PHF24: variants seen among roughly 807,000 people sequenced by gnomAD.
The protein encoded by PHF24 is PHD finger protein 24, also known as Galpha inhibitory interacting protein.
In PHF24, 25 loss-of-function variants were observed where a neutral mutation model predicts 42.6. That is an observed-to-expected ratio of 0.59 (90% confidence interval 0.43 to 0.82). The LOEUF (loss-of-function observed/expected upper bound fraction) is 0.82, where lower values mean the gene tolerates loss of function less well. PHF24 is among the 40% of genes least tolerant of loss of function. The pLI, the probability that PHF24 is intolerant of heterozygous loss-of-function variation, is 0.00. For synonymous variants in PHF24, 185 were observed against 204.8 expected, an observed-to-expected ratio of 0.90 and a Z score of 0.83; for missense variants, 470 against 538.1, an observed-to-expected ratio of 0.87 and a Z score of 1.25.
chr9:34,894,273 T>C, the PHF24 span, among the ~76,000 whole-genome samples: 1 of 152,060 alleles, frequency 6.6e-6, no homozygotes, highest in Non-Finnish European at 1.5e-5. Flanking sequence ...CTGAGATGTC[T>C]GGCCCAGCCC....
the PHF24 span, among the ~76,000 whole-genome samples, chr9:34,683,974 A>G: frequency 2.6e-5 from 4 of 152,304 alleles, no homozygotes; most frequent in East Asian, 3.9e-4. Context: ...TATCTGGACC[A>G]TCTGTACTGT....
the PHF24 span, among the ~76,000 whole-genome samples, chr9:34,931,375 CAA>C: frequency 1.1e-4 from 9 of 82,922 alleles, no homozygotes; most frequent in African/African-American, 4.1e-4. Context: ...GACTCTGTAT[CAA>C]AAAAAAAAAA....
At chr9:34,900,103 C>G in the PHF24 span, among the ~76,000 whole-genome samples, 1 of 152,174 alleles carries the variant, frequency 6.6e-6, no homozygotes, top group East Asian at 1.9e-4. Flanking sequence ...CCGTGGGGAA[C>G]TCAGGAAGCC....
At chr9:34,746,883 G>C in the PHF24 span, among the ~76,000 whole-genome samples, 2 of 152,164 alleles carry the variant, frequency 1.3e-5, no homozygotes, top group Admixed American at 6.5e-5. Flanking sequence ...AAATCATAAA[G>C]CTTCTAGAAT....
the PHF24 span, among the ~76,000 whole-genome samples, chr9:34,674,464 T>G: frequency 6.6e-6 from 1 of 152,280 alleles, no homozygotes. Context: ...TTTAAGATTC[T>G]GTGGGCCATA....
chr9:34,886,810 CTATCTATG>C, the PHF24 span, among the ~76,000 whole-genome samples: 444 of 96,314 alleles, frequency 4.6e-3, no homozygotes, highest in African/African-American at 0.015. Flanking sequence ...ATCTATGTAT[CTATCTATG>C]TATCTATGTA....
the PHF24 span, chr9:34,834,786 G>A: frequency 1.2e-5 from 19 of 1,542,618 alleles, no homozygotes; most frequent in Admixed American, 2.0e-5. Context: ...ATCTGAGCTC[G>A]TTGATGGTCA....
the PHF24 span, among the ~76,000 whole-genome samples, chr9:34,820,468 T>C: frequency 0.017 from 2,545 of 152,274 alleles, 63 homozygotes; most frequent in East Asian, 0.099. Flanking sequence ...TTCCCACTTA[T>C]AAGTGAGAAC....
At chr9:34,857,915 T>C in the PHF24 span, among the ~76,000 whole-genome samples, 1 of 152,106 alleles carries the variant, frequency 6.6e-6, no homozygotes, top group East Asian at 1.9e-4. Context: ...TTTCAGTCTC[T>C]GTTAAATTTC....
the PHF24 span, among the ~76,000 whole-genome samples, chr9:34,779,171 C>T: frequency 6.6e-6 from 1 of 151,734 alleles, no homozygotes; most frequent in Non-Finnish European, 1.5e-5. Flanking sequence ...CCATAATTTT[C>T]CACCCTGTGA....
the PHF24 span, among the ~76,000 whole-genome samples, chr9:34,810,311 C>T: frequency 5.9e-5 from 9 of 152,288 alleles, no homozygotes; most frequent in Admixed American, 4.6e-4. Flanking sequence ...TGACAGCTGC[C>T]TCTATTGGGG....
the PHF24 span, among the ~76,000 whole-genome samples, chr9:34,931,190 C>A: frequency 8.5e-5 from 13 of 152,108 alleles, no homozygotes; most frequent in East Asian, 2.5e-3. Flanking sequence ...TCCTGGCTAA[C>A]ATGGTGAAAC....
the PHF24 span, among the ~76,000 whole-genome samples, chr9:34,925,875 A>G: frequency 1.3e-5 from 2 of 152,182 alleles, no homozygotes; most frequent in African/African-American, 2.4e-5. Flanking sequence ...GTGTGTTCCT[A>G]TGTTGATTTA....
chr9:34,723,190 C>T, the PHF24 span: 1 of 1,533,870 alleles, frequency 6.5e-7, no homozygotes, highest in South Asian at 1.2e-5. Context: ...GCATGTTCTC[C>T]TTGAGCGGAC....
At chr9:34,756,760 G>A in the PHF24 span, among the ~76,000 whole-genome samples, 1 of 152,086 alleles carries the variant, frequency 6.6e-6, no homozygotes, top group African/African-American at 2.4e-5. Flanking sequence ...AATGTCATTG[G>A]TATTTTCATA....
the PHF24 span, among the ~76,000 whole-genome samples, chr9:34,872,118 G>T: frequency 6.6e-6 from 1 of 152,060 alleles, no homozygotes; most frequent in Admixed American, 6.5e-5. Context: ...TACATAGTTT[G>T]TTAGGTTTAT....
At chr9:34,943,330 C>A in the PHF24 span, among the ~76,000 whole-genome samples, 2 of 152,156 alleles carry the variant, frequency 1.3e-5, no homozygotes, top group Non-Finnish European at 2.9e-5. Context: ...ACATCTTTTA[C>A]CTCACAGGCT....
At chr9:34,963,628 G>A (rs573223297) in intron 1 of PHF24, among the ~76,000 whole-genome samples, 1 of 152,320 alleles carries the variant, frequency 6.6e-6, no homozygotes, top group South Asian at 2.1e-4. Context: ...ACAGGACACA[G>A]CATAAATGCA....
the PHF24 span, among the ~76,000 whole-genome samples, chr9:34,843,029 T>A: frequency 6.6e-6 from 1 of 152,250 alleles, no homozygotes; most frequent in Admixed American, 6.5e-5. Context: ...TGAAGCTTTG[T>A]ACAAACATTT....
Sources: allele counts gnomAD v4.1 joint callset (sites outside exome capture counted in the v4.1 genomes callset), GRCh38; gene constraint gnomAD v4.1.1; transcripts MANE v1.5; gene names NCBI Gene and HGNC (gene_info 2026-07-23, HGNC 2026-07-21).